Variants in NDUFA10 observed in about 807,000 individuals in gnomAD.
The protein encoded by NDUFA10 is NADH:ubiquinone oxidoreductase subunit A10, also known as NADH dehydrogenase [ubiquinone] 1 alpha subcomplex subunit 10, mitochondrial.
NDUFA10 carries 40 observed loss-of-function variants against 47.8 expected under a neutral mutation model. The ratio of observed to expected loss-of-function variants is 0.84; its 90% confidence interval spans 0.65 to 1.09. The LOEUF (loss-of-function observed/expected upper bound fraction) is 1.09. Among genes scored for constraint, NDUFA10 ranks in the 50% least tolerant of loss-of-function variants. The pLI is 0.00. For missense variants in NDUFA10, 413 were observed against 451.1 expected (o/e 0.92, Z 0.76); for synonymous variants, 183 against 172.2 (o/e 1.06, Z -0.49).
At chr2:239,924,967 C>T (rs1477182248) in intron 4 of NDUFA10, among the ~76,000 whole-genome samples, 1 of 151,996 alleles carries the variant, frequency 6.6e-6, no homozygotes, top group Non-Finnish European at 1.5e-5. Flanking sequence ...TTTACAATAA[C>T]TCAAAAAATT....
At chr2:240,012,264 A>G (rs1697173754) in intron 5 of NDUFA10, 1 of 163,978 alleles carries the variant, frequency 6.1e-6, no homozygotes, top group African/African-American at 2.4e-5. Flanking sequence ...AGCAAGTTTT[A>G]AAATTTAAAA....
chr2:239,986,362 G>A (rs972569573), intron 9 of NDUFA10, among the ~76,000 whole-genome samples: 4 of 152,202 alleles, frequency 2.6e-5, no homozygotes, highest in Non-Finnish European at 5.9e-5. Flanking sequence ...TGGTAGCAGA[G>A]ACAGGAGACT....
downstream of NDUFA10, among the ~76,000 whole-genome samples, chr2:239,953,107 G>A (rs1051369836): frequency 2.6e-5 from 4 of 152,240 alleles, no homozygotes; most frequent in Admixed American, 6.5e-5. Context: ...ATGGGACCTC[G>A]GGTGGCAAAG....
chr2:239,998,888 T>C (rs1271219831), intron 8 of NDUFA10, among the ~76,000 whole-genome samples: 1 of 152,232 alleles, frequency 6.6e-6, no homozygotes, highest in Non-Finnish European at 1.5e-5. Context: ...TCTGTCTGCG[T>C]ATCTGTCCTC....
intron 8 of NDUFA10, among the ~76,000 whole-genome samples, chr2:240,002,016 C>T (rs1696740294): frequency 6.6e-6 from 1 of 152,238 alleles, no homozygotes; most frequent in Admixed American, 6.5e-5. Flanking sequence ...GCTTTACTTC[C>T]ATCTCCTAGT....
intron 4 of NDUFA10, among the ~76,000 whole-genome samples, chr2:239,925,271 T>C (rs919451105): frequency 6.6e-6 from 1 of 152,142 alleles, no homozygotes; most frequent in Non-Finnish European, 1.5e-5. Flanking sequence ...GAGGAATCAC[T>C]CTACCTGATT....
rs183796132 is a variant in NDUFA10 at position 239,949,628 on chromosome 2, G to T, written c.294+40446C>A. Among the ~76,000 whole-genome samples the T allele has an allele frequency of 2.3e-3, 347 of 152,240 alleles. 2 individuals carry two copies. The highest frequency in any genetic ancestry group is 7.3e-3 in the South Asian group (35 of 4,816). On this transcript the variant is annotated intron_variant, in intron 4 of 5. Transcript: ENST00000419408. ...CCCACCTCAGCCTCCCACATAGCTGGGACAACAGGCGCGTGCCACCACACT... is the reference window on the plus strand; with the variant it reads ...CCCACCTCAGCCTCCCACATAGCTGTGACAACAGGCGCGTGCCACCACACT...
intron 4 of NDUFA10, among the ~76,000 whole-genome samples, chr2:239,925,207 A>G (rs1405424812): frequency 6.6e-6 from 1 of 152,204 alleles, no homozygotes; most frequent in Non-Finnish European, 1.5e-5. Flanking sequence ...TTATATGGAA[A>G]GGAAAATAAA....
intron 4 of NDUFA10, among the ~76,000 whole-genome samples, chr2:239,902,613 T>C (rs972552532): frequency 1.3e-5 from 2 of 152,240 alleles, no homozygotes; most frequent in East Asian, 1.9e-4. Context: ...AAGGTATGTC[T>C]GTACACACTT....
intron 1 of NDUFA10, 79 bp downstream of exon 1, chr2:240,025,148 G>T (rs1204066568): frequency 5.1e-6 from 6 of 1,183,730 alleles, no homozygotes; most frequent in Non-Finnish European, 5.6e-6. Flanking sequence ...AGAGGCCGGG[G>T]GAGATGTGGA....
chr2:239,960,997 C>CA lies in NDUFA10; in HGVS notation c.*120dup. 6.4e-7 allele frequency: 1 copy of CA among 1,552,798 alleles called. No homozygotes were observed. Among genetic ancestry groups the CA allele is most frequent in the Non-Finnish European group, 8.7e-7 (1 of 1,149,394 alleles). On this transcript the variant is annotated 3_prime_UTR_variant, in exon 10 of 10. Transcript: ENST00000252711. Reference sequence around the variant, plus strand: ...TTGCTTTTTGTGAGACCCCTTCTTCCACTGTGCAATTTTTGCATTATTTAC... The same window carrying CA: ...TTGCTTTTTGTGAGACCCCTTCTTCCAACTGTGCAATTTTTGCATTATTTAC...
intron 9 of NDUFA10, among the ~76,000 whole-genome samples, chr2:239,980,749 A>C (rs1025233887): frequency 3.3e-5 from 5 of 152,220 alleles, no homozygotes; most frequent in Admixed American, 6.5e-5. Flanking sequence ...AGGAAGAGTG[A>C]GTGGAAAAGC....
chr2:239,987,700 C>T lies in NDUFA10; in HGVS notation c.999+2374G>A, dbSNP rs78241341. Among the ~76,000 whole-genome samples, 1,055 of 152,252 alleles carry T rather than the reference C, an allele frequency of 6.9e-3. 9 individuals carry two copies. Among genetic ancestry groups the T allele is most frequent in the African/African-American group, 0.024 (986 of 41,532 alleles). On this transcript the variant is annotated intron_variant, in intron 9 of 9. Coordinates refer to ENST00000252711, the MANE Select transcript of NDUFA10 (RefSeq NM_004544.4). This position sits in a 1 kb window ranked among gnomAD's most constrained non-coding sequence, Gnocchi z 4.8. ...GAAGGCCAAGGATGCTACATGCAGG[C>T]GCAGCGCCCAGGGAAGGGGTGGGCA...
rs1402843275 is a variant in NDUFA10 at position 239,895,285 on chromosome 2, G to C, written c.324C>G (p.Val108=). The C allele has an allele frequency of 1.5e-5, 7 of 469,148 alleles. No homozygotes were observed. The East Asian group carries it at 3.5e-4, about 23-fold the overall frequency. 29.1% of individuals were successfully genotyped at this position (469,148 alleles called of 1,614,324 possible). ...AGCCCAGTGGAGAACTGAGTAGGCTGACCCATCTGTGCTCCTGGTCTGCTG... is the reference window on the plus strand; with the variant it reads ...AGCCCAGTGGAGAACTGAGTAGGCTCACCCATCTGTGCTCCTGGTCTGCTG... Residue 108 remains valine (V), a synonymous_variant, in exon 5 of 6, where the codon GTC becomes GTG. Transcript: ENST00000419408.
At chr2:239,971,226 T>C (rs1325425348) in intron 9 of NDUFA10, among the ~76,000 whole-genome samples, 2 of 152,240 alleles carry the variant, frequency 1.3e-5, no homozygotes, top group African/African-American at 2.4e-5. Context: ...TCAGGAAATG[T>C]CATTCAGGAG....
At chr2:239,989,834 C>T (rs1559361423) in intron 9 of NDUFA10, among the ~76,000 whole-genome samples, 1 of 152,222 alleles carries the variant, frequency 6.6e-6, no homozygotes, top group African/African-American at 2.4e-5. Flanking sequence ...GATAATATGC[C>T]TGATGAAGAA....
chr2:239,938,698 C>A (rs1003201228), intron 4 of NDUFA10, among the ~76,000 whole-genome samples: 1 of 152,150 alleles, frequency 6.6e-6, no homozygotes, highest in African/African-American at 2.4e-5. Context: ...GCGCAGATGC[C>A]GGCAGAGGGG....
At chr2:239,922,820 G>A (rs74002008) in intron 4 of NDUFA10, among the ~76,000 whole-genome samples, 6,995 of 152,288 alleles carry the variant, frequency 0.046, 454 homozygotes, top group African/African-American at 0.15. Flanking sequence ...CCCATCACAG[G>A]TGTGCAGTGT....
chr2:239,959,058 G>A lies in NDUFA10; in HGVS notation c.*2060C>T. The A allele has an allele frequency of 1.0e-6, 1 of 985,460 alleles. No individual in the cohort carries two copies. The allele number at this position is 985,460 out of a possible 1,614,324, so 61.0% of individuals were successfully genotyped here. Reference sequence around the variant, plus strand: ...GGCTTCTATGTGGAGAGAAGAATTGGACAGTGTTTATTCATCTTTCTCTGC... The same window carrying A: ...GGCTTCTATGTGGAGAGAAGAATTGAACAGTGTTTATTCATCTTTCTCTGC... On this transcript the variant is annotated 3_prime_UTR_variant, in exon 10 of 10. Transcript: ENST00000252711.
Sources: gnomAD v4.1 joint callset for allele counts (sites outside exome capture counted in the v4.1 genomes callset) on GRCh38, gnomAD v4.1.1 for gene constraint, Gnocchi (gnomAD v3.1) non-coding constraint, MANE v1.5 for transcripts, NCBI Gene and HGNC (gene_info 2026-07-23, HGNC 2026-07-21) for gene names.